Variants in GLIS3 observed in about 807,000 individuals in gnomAD.
GLIS3 encodes the protein zinc finger protein GLIS3.
GLIS3 carries 53 observed loss-of-function variants against 78.6 expected under a neutral mutation model. The observed-to-expected ratio is 0.67, with a 90% confidence interval of 0.54 to 0.85. The LOEUF (loss-of-function observed/expected upper bound fraction) is 0.85, where lower values mean the gene tolerates loss of function less well. GLIS3 is among the 40% of genes least tolerant of loss of function. The pLI is 0.00. For missense variants in GLIS3, 1,703 were observed against 1,231.1 expected (o/e 1.38, Z -5.74); for synonymous variants, 684 against 509.9 (o/e 1.34, Z -4.60).
intron 8 of GLIS3, among the ~76,000 whole-genome samples, chr9:3,874,904 C>T (rs900845429): frequency 9.2e-5 from 14 of 152,202 alleles, no homozygotes; most frequent in Non-Finnish European, 8.8e-5. Flanking sequence ...GGTCAATCCA[C>T]AGGCCTCCTT....
intron 7 of GLIS3, among the ~76,000 whole-genome samples, chr9:3,887,151 T>C (rs1822134908): frequency 6.6e-6 from 1 of 152,186 alleles, no homozygotes; most frequent in Non-Finnish European, 1.5e-5. Context: ...CTTTGCAGTG[T>C]AGACTATCAT....
intron 4 of GLIS3, among the ~76,000 whole-genome samples, chr9:4,081,733 ATC>A (rs779643338): frequency 6.6e-6 from 1 of 152,204 alleles, no homozygotes; most frequent in Non-Finnish European, 1.5e-5. Flanking sequence ...AATCGGATGC[ATC>A]TCTGTTTTCT....
At chr9:3,997,136 T>A (rs970614606) in intron 4 of GLIS3, among the ~76,000 whole-genome samples, 1 of 152,138 alleles carries the variant, frequency 6.6e-6, no homozygotes, top group East Asian at 1.9e-4. Context: ...TCACCTGAGG[T>A]TGGAGTTCAA....
At chr9:4,468,736 C>A in the GLIS3 span, among the ~76,000 whole-genome samples, 5 of 152,258 alleles carry the variant, frequency 3.3e-5, no homozygotes, top group East Asian at 9.7e-4. Context: ...AAATAATGAG[C>A]AAAATAACCA....
chr9:4,375,195 T>A, the GLIS3 span, among the ~76,000 whole-genome samples: 2 of 152,152 alleles, frequency 1.3e-5, no homozygotes, highest in Non-Finnish European at 2.9e-5. Context: ...TCAGCCTCGT[T>A]CAAAAGAGGT....
chr9:4,281,406 T>C (rs1232015338), intron 2 of GLIS3, among the ~76,000 whole-genome samples: 2 of 152,156 alleles, frequency 1.3e-5, no homozygotes, highest in Non-Finnish European at 2.9e-5. Context: ...CCTCACCAAC[T>C]GAAGCTCTGT....
chr9:3,831,513 G>GT (rs1818042986), intron 9 of GLIS3, among the ~76,000 whole-genome samples: 2 of 152,220 alleles, frequency 1.3e-5, no homozygotes, highest in African/African-American at 4.8e-5. Context: ...ATGTAATGTT[G>GT]TAGACATTGC....
chr9:4,092,970 T>C (rs759404915), intron 4 of GLIS3, among the ~76,000 whole-genome samples: 1 of 152,214 alleles, frequency 6.6e-6, no homozygotes, highest in Non-Finnish European at 1.5e-5. Flanking sequence ...AATTGCTCCA[T>C]GATGTGACAT....
the GLIS3 span, among the ~76,000 whole-genome samples, chr9:4,400,737 G>C: frequency 6.6e-6 from 1 of 152,184 alleles, no homozygotes; most frequent in African/African-American, 2.4e-5. Context: ...GCCACAGTAG[G>C]ATAGGGCTCT....
intron 2 of GLIS3, among the ~76,000 whole-genome samples, chr9:4,257,600 G>C (rs1167701713): frequency 2.8e-5 from 4 of 141,992 alleles, no homozygotes; most frequent in African/African-American, 1.0e-4. Flanking sequence ...TTGAGACGGA[G>C]TCTCGCTCTG....
intron 2 of GLIS3, among the ~76,000 whole-genome samples, chr9:4,316,982 T>G (rs1011538974): frequency 6.6e-6 from 1 of 152,184 alleles, no homozygotes; most frequent in African/African-American, 2.4e-5. Flanking sequence ...AAAGTCACAG[T>G]GTCTAAGAAC....
intron 4 of GLIS3, among the ~76,000 whole-genome samples, chr9:3,970,333 CTTATA>C (rs1262898029): frequency 6.6e-6 from 1 of 152,096 alleles, no homozygotes; most frequent in Non-Finnish European, 1.5e-5. Flanking sequence ...TATTACAGTC[CTTATA>C]TTATGAGAAG....
At chr9:4,099,122 C>T (rs1830174037) in intron 4 of GLIS3, among the ~76,000 whole-genome samples, 1 of 152,210 alleles carries the variant, frequency 6.6e-6, no homozygotes, top group South Asian at 2.1e-4. Context: ...CCTGCAGCAG[C>T]CTGCAGGTGG....
At chr9:4,379,702 A>C in the GLIS3 span, among the ~76,000 whole-genome samples, 1 of 152,224 alleles carries the variant, frequency 6.6e-6, no homozygotes, top group African/African-American at 2.4e-5. Context: ...ATTTGCAGTC[A>C]GCACCACTCA....
At chr9:4,385,735 GAAA>G in the GLIS3 span, among the ~76,000 whole-genome samples, 11 of 17,650 alleles carry the variant, frequency 6.2e-4, 2 homozygotes, top group Non-Finnish European at 1.1e-3. Flanking sequence ...AAGAAAGAAA[GAAA>G]AAGAAAGAAA....
At chr9:3,898,411 T>G (rs1823025270) in intron 7 of GLIS3, 2 of 457,640 alleles carry the variant, frequency 4.4e-6, no homozygotes, top group East Asian at 4.5e-5. Context: ...AGTGAGTAAA[T>G]GTAACATAAC....
chr9:3,894,518 T>G (rs1305681054), intron 7 of GLIS3, among the ~76,000 whole-genome samples: 4 of 152,188 alleles, frequency 2.6e-5, no homozygotes, highest in African/African-American at 4.8e-5. Flanking sequence ...TAGTAACTAT[T>G]TCACAAATTT....
At chr9:4,152,861 A>T (rs1359396206) in intron 2 of GLIS3, among the ~76,000 whole-genome samples, 1 of 152,232 alleles carries the variant, frequency 6.6e-6, no homozygotes, top group African/African-American at 2.4e-5. Flanking sequence ...TGAAGACCTA[A>T]ATAAACATAG....
At chr9:4,235,795 A>G (rs1054040328) in intron 2 of GLIS3, among the ~76,000 whole-genome samples, 1 of 152,196 alleles carries the variant, frequency 6.6e-6, no homozygotes, top group African/African-American at 2.4e-5. Flanking sequence ...CATCAATAAT[A>G]ACATGGCTGT....
Sources: gnomAD v4.1 joint callset for allele counts (sites outside exome capture counted in the v4.1 genomes callset) on GRCh38, gnomAD v4.1.1 for gene constraint, MANE v1.5 for transcripts, NCBI Gene and HGNC (gene_info 2026-07-23, HGNC 2026-07-21) for gene names.